Variants in COL24A1 observed in about 807,000 individuals in gnomAD.
COL24A1 encodes the protein collagen type XXIV alpha 1 chain, also known as collagen alpha-1(XXIV) chain.
COL24A1 carries 224 observed loss-of-function variants against 253.9 expected under a neutral mutation model. The ratio of observed to expected loss-of-function variants is 0.88; its 90% CI spans 0.79 to 0.99. The LOEUF is 0.99. Among genes scored for constraint, COL24A1 ranks in the 50% least tolerant of loss-of-function variants. COL24A1 has a pLI of 0.00. For synonymous variants in COL24A1, 685 were observed against 673.7 expected, an observed-to-expected ratio of 1.02 and a Z score of -0.26; for missense variants, 2,131 against 2,068.5, an observed-to-expected ratio of 1.03 and a Z score of -0.59.
At chr1:85,939,307 A>G (rs1353714827) in intron 24 of COL24A1, among the ~76,000 whole-genome samples, 1 of 152,162 alleles carries the variant, frequency 6.6e-6, no homozygotes, top group Non-Finnish European at 1.5e-5. Flanking sequence ...GATGGACACA[A>G]CAACTATCAT....
intron 56 of COL24A1, among the ~76,000 whole-genome samples, chr1:85,745,213 A>T (rs1665078601): frequency 6.6e-6 from 1 of 152,118 alleles, no homozygotes; most frequent in African/African-American, 2.4e-5. Context: ...TACAAATAAC[A>T]GTACTAAATT....
intron 43 of COL24A1, among the ~76,000 whole-genome samples, chr1:85,833,231 G>A (rs546769949): frequency 1.2e-3 from 186 of 152,162 alleles, no homozygotes; most frequent in African/African-American, 4.3e-3. Context: ...CTGACAAAGG[G>A]CTAATATCCA....
intron 4 of COL24A1, among the ~76,000 whole-genome samples, chr1:86,113,500 T>C (rs763315263): frequency 6.6e-6 from 1 of 152,116 alleles, no homozygotes; most frequent in African/African-American, 2.4e-5. Flanking sequence ...GCAATGCAAA[T>C]ATTGAAAATG....
At chr1:85,861,382 A>T (rs1212321320) in intron 37 of COL24A1, among the ~76,000 whole-genome samples, 2 of 152,112 alleles carry the variant, frequency 1.3e-5, no homozygotes, top group African/African-American at 4.8e-5. Context: ...ATGATTTTCA[A>T]ATATTTTCTC....
intron 4 of COL24A1, 108 bp downstream of exon 4, chr1:86,115,217 G>T: frequency 9.5e-7 from 1 of 1,055,318 alleles, no homozygotes; most frequent in Non-Finnish European, 1.4e-6. Context: ...TAAGTTTGAA[G>T]ATCCAGGCAG....
chr1:86,021,276 T>C (rs1171130878), intron 18 of COL24A1, among the ~76,000 whole-genome samples: 1 of 152,230 alleles, frequency 6.6e-6, no homozygotes, highest in African/African-American at 2.4e-5. Flanking sequence ...ACCTTTTTCA[T>C]AGAATTGAAT....
At chr1:86,066,776 A>G (rs934748233) in intron 7 of COL24A1, among the ~76,000 whole-genome samples, 4 of 152,154 alleles carry the variant, frequency 2.6e-5, no homozygotes, top group Admixed American at 2.0e-4. Context: ...TGAATACTGG[A>G]ATCTATCAGA....
At chr1:85,777,980 C>A (rs1668731297) in intron 52 of COL24A1, among the ~76,000 whole-genome samples, 1 of 151,852 alleles carries the variant, frequency 6.6e-6, no homozygotes, top group African/African-American at 2.4e-5. Context: ...CTTTCTTTTT[C>A]AAACTATAAG....
intron 53 of COL24A1, among the ~76,000 whole-genome samples, chr1:85,774,168 A>G (rs1407904108): frequency 6.6e-6 from 1 of 152,140 alleles, no homozygotes; most frequent in Non-Finnish European, 1.5e-5. Context: ...GTGACGGATT[A>G]TGCTTATTAA....
chr1:85,761,898 C>T (rs1666887373), intron 53 of COL24A1, among the ~76,000 whole-genome samples: 1 of 152,090 alleles, frequency 6.6e-6, no homozygotes, highest in African/African-American at 2.4e-5. Context: ...ACCTAATCAT[C>T]AAATATAGAA....
chr1:85,951,297 G>A (rs867331268), intron 24 of COL24A1, among the ~76,000 whole-genome samples: 2 of 152,292 alleles, frequency 1.3e-5, no homozygotes, highest in Middle Eastern at 6.8e-3. Flanking sequence ...CCGTAATAGT[G>A]TAGATGAAAG....
At chr1:86,015,091 C>T (rs1696872125) in intron 19 of COL24A1, among the ~76,000 whole-genome samples, 1 of 152,138 alleles carries the variant, frequency 6.6e-6, no homozygotes, top group Non-Finnish European at 1.5e-5. Context: ...AATTCTTGGA[C>T]CTGCAAGTTT....
intron 8 of COL24A1, among the ~76,000 whole-genome samples, chr1:86,060,346 A>G (rs1700994228): frequency 6.6e-6 from 1 of 152,116 alleles, no homozygotes. Context: ...AGTTGGCTAG[A>G]TTTCTTATTT....
In COL24A1 at chr1:86,079,018, C is replaced by G. The variant is rs968200644; in HGVS notation, c.1707+10156G>C. 2.6e-5 allele frequency among the ~76,000 whole-genome samples: 4 copies of G among 152,116 alleles called. 1 individual carries two copies. The highest frequency in any genetic ancestry group is 7.2e-5 in the African/African-American group (3 of 41,440). The stretch of plus-strand genomic sequence containing the variant: ...CCAAAGCTATCCTAAGCAAAGAGAA[C>G]AAAACTAGAGGAATCACATTACCTG... On this transcript the variant is annotated intron_variant, in intron 7 of 59. Coordinates refer to ENST00000370571, the MANE Select transcript of COL24A1 (RefSeq NM_152890.7).
chr1:85,983,023 A>C (rs1025941461), intron 20 of COL24A1, among the ~76,000 whole-genome samples: 1 of 151,990 alleles, frequency 6.6e-6, no homozygotes, highest in African/African-American at 2.4e-5. Context: ...AGATAAATAC[A>C]TGACATACTG....
chr1:85,922,459 T>C (rs1444250227), intron 24 of COL24A1, among the ~76,000 whole-genome samples: 1 of 152,300 alleles, frequency 6.6e-6, no homozygotes, highest in South Asian at 2.1e-4. Flanking sequence ...ATCAGACTAA[T>C]AGCGGATCTC....
At chr1:85,997,264 TTAAAACTGTA>T (rs1159067746) in intron 19 of COL24A1, among the ~76,000 whole-genome samples, 1 of 151,606 alleles carries the variant, frequency 6.6e-6, no homozygotes, top group Non-Finnish European at 1.5e-5. Flanking sequence ...AAAGGCACGT[TTAAAACTGTA>T]TAAGTAGCAA....
intron 5 of COL24A1, 43 bp downstream of exon 5, chr1:86,112,524 G>T: frequency 6.4e-7 from 1 of 1,551,068 alleles, no homozygotes; most frequent in Non-Finnish European, 8.9e-7. Flanking sequence ...GGAAAATCAG[G>T]TGATACTCAT....
intron 45 of COL24A1, among the ~76,000 whole-genome samples, chr1:85,820,165 T>C (rs1277009489): frequency 6.6e-6 from 1 of 152,032 alleles, no homozygotes; most frequent in Non-Finnish European, 1.5e-5. Flanking sequence ...GAGTCTTTCT[T>C]AGGGTGGATA....
Sources: allele counts gnomAD v4.1 joint callset (sites outside exome capture counted in the v4.1 genomes callset), GRCh38; gene constraint gnomAD v4.1.1; transcripts MANE v1.5; gene names NCBI Gene and HGNC (gene_info 2026-07-23, HGNC 2026-07-21).